DDX4: variants seen among roughly 807,000 people sequenced by gnomAD.
DDX4 encodes probable ATP-dependent RNA helicase DDX4.
Under a neutral mutation model 100.0 loss-of-function variants are expected in DDX4, and 25 were observed. The observed-to-expected ratio is 0.25, with a 90% CI of 0.18 to 0.35. DDX4 has a LOEUF of 0.35. Among genes scored for constraint, DDX4 ranks in the 10% least tolerant of loss-of-function variants. The pLI is 1.00. For synonymous variants in DDX4, 259 were observed against 275.7 expected, an observed-to-expected ratio of 0.94 and a Z score of 0.60; for missense variants, 635 against 882.4, an observed-to-expected ratio of 0.72 and a Z score of 3.55.
At chr5:55,807,445 T>C (rs1743806022) in intron 18 of DDX4, among the ~76,000 whole-genome samples, 1 of 152,240 alleles carries the variant, frequency 6.6e-6, no homozygotes, top group Non-Finnish European at 1.5e-5. Context: ...TGGCATGTTT[T>C]TGCAGTGGCT....
intron 3 of DDX4, among the ~76,000 whole-genome samples, chr5:55,749,738 T>C (rs1435792809): frequency 6.6e-6 from 1 of 152,152 alleles, no homozygotes. Flanking sequence ...ACAAGCTGTT[T>C]GTGGGAGGAA....
rs1357114999 is a variant in DDX4 at position 55,787,876 on chromosome 5, A to G, written c.1048A>G (p.Met350Val). 1 of 1,613,618 alleles carries G rather than the reference A, an allele frequency of 6.2e-7. No individual in the cohort carries two copies. Among genetic ancestry groups the G allele is most frequent in the Non-Finnish European group, 8.5e-7 (1 of 1,179,926 alleles). The change falls in exon 15 of 22, where the codon ATG becomes GTG. Residue 350 changes from methionine to valine, a missense_variant. Around this residue, in one of 4 missense-constraint regions of DDX4, gnomAD observed 446 missense variants for 540.8 expected, o/e 0.82. Coordinates refer to ENST00000505374, the MANE Select transcript of DDX4 (RefSeq NM_024415.3). ...AAFLLPILAH[M>V]MHDGITASRF... ...TTTTCTCCTACCAATTTTGGCTCATATGATGCATGATGGAATAACTGCCAG... is the reference window on the plus strand; with the variant it reads ...TTTTCTCCTACCAATTTTGGCTCATGTGATGCATGATGGAATAACTGCCAG...
At chr5:55,785,237 A>G (rs997040177) in intron 10 of DDX4, 60 bp from the exon 11 acceptor site, 1 of 1,188,676 alleles carries the variant, frequency 8.4e-7, no homozygotes, top group Non-Finnish European at 1.2e-6. Context: ...AAGCAACGAA[A>G]ATAAAGATGT....
At chr5:55,747,183 C>A (rs1759289663) in intron 3 of DDX4, among the ~76,000 whole-genome samples, 1 of 152,124 alleles carries the variant, frequency 6.6e-6, no homozygotes, top group African/African-American at 2.4e-5. Flanking sequence ...GAGATTGAGA[C>A]CATCCTGACC....
intron 2 of DDX4, among the ~76,000 whole-genome samples, chr5:55,739,698 A>C (rs79761845): frequency 0.12 from 17,641 of 152,150 alleles, 1,557 homozygotes; most frequent in East Asian, 0.29. Flanking sequence ...GTTTGAGTGT[A>C]TGTCAGTTCT....
intron 18 of DDX4, among the ~76,000 whole-genome samples, chr5:55,812,793 A>C (rs1442378734): frequency 2.0e-5 from 3 of 151,636 alleles, no homozygotes; most frequent in Non-Finnish European, 4.4e-5. Flanking sequence ...TATCTTGCTG[A>C]TTTTTTCCTT....
At chr5:55,812,261 G>A (rs1744161047) in intron 18 of DDX4, among the ~76,000 whole-genome samples, 2 of 152,080 alleles carry the variant, frequency 1.3e-5, no homozygotes, top group Admixed American at 6.6e-5. Context: ...GTAATTTAAT[G>A]TGTTAATACT....
chr5:55,744,614 C>T (rs1319716725), intron 2 of DDX4, among the ~76,000 whole-genome samples: 1 of 152,080 alleles, frequency 6.6e-6, no homozygotes, highest in Non-Finnish European at 1.5e-5. Context: ...GGCAGTCATT[C>T]TACCACTGCT....
At chr5:55,760,324 G>A in intron 4 of DDX4, 47 bp downstream of exon 4, 2 of 1,501,160 alleles carry the variant, frequency 1.3e-6, no homozygotes, top group East Asian at 2.7e-5. Flanking sequence ...TTGAATAATT[G>A]GATATATAGA....
chr5:55,793,101 A>T (rs986342060), intron 17 of DDX4, among the ~76,000 whole-genome samples: 4 of 151,330 alleles, frequency 2.6e-5, no homozygotes, highest in African/African-American at 7.3e-5. Context: ...GCTAGGGTTT[A>T]ATAAGTGCTT....
intron 7 of DDX4, among the ~76,000 whole-genome samples, chr5:55,774,150 T>C (rs1377636701): frequency 7.7e-6 from 1 of 129,184 alleles, no homozygotes; most frequent in African/African-American, 3.5e-5. Context: ...TTTATCTAAT[T>C]TTTTTTTTTT....
chr5:55,797,312 C>G (rs1394353121), intron 17 of DDX4, among the ~76,000 whole-genome samples: 1 of 152,186 alleles, frequency 6.6e-6, no homozygotes, highest in Non-Finnish European at 1.5e-5. Flanking sequence ...ATCTTTCCTA[C>G]TTGAAGTGAG....
chr5:55,801,956 G>C (rs890860246), intron 18 of DDX4, among the ~76,000 whole-genome samples: 2 of 152,138 alleles, frequency 1.3e-5, no homozygotes, highest in Non-Finnish European at 2.9e-5. Flanking sequence ...GTCAGGAAGT[G>C]TATGACCTTC....
At chr5:55,800,796 T>C (rs1429177201) in intron 18 of DDX4, among the ~76,000 whole-genome samples, 1 of 152,230 alleles carries the variant, frequency 6.6e-6, no homozygotes, top group Non-Finnish European at 1.5e-5. Context: ...TTTTTTGGTT[T>C]AGTGTTCATA....
intron 7 of DDX4, among the ~76,000 whole-genome samples, chr5:55,776,823 GAA>G (rs896459534): frequency 6.6e-6 from 1 of 151,234 alleles, no homozygotes; most frequent in African/African-American, 2.4e-5. Context: ...AATGAGGAGC[GAA>G]AAAAAAGATA....
chr5:55,781,459 T>C (rs1561499064), intron 9 of DDX4, among the ~76,000 whole-genome samples: 1 of 152,056 alleles, frequency 6.6e-6, no homozygotes, highest in Non-Finnish European at 1.5e-5. Context: ...TGATGAAAAA[T>C]GTTCAAATGA....
intron 18 of DDX4, among the ~76,000 whole-genome samples, chr5:55,806,227 A>G (rs991820742): frequency 5.9e-5 from 9 of 151,886 alleles, no homozygotes; most frequent in Non-Finnish European, 1.2e-4. Flanking sequence ...CTTCTTTATT[A>G]GTCTTGCTAG....
chr5:55,809,584 C>T (rs1378727058), intron 18 of DDX4, among the ~76,000 whole-genome samples: 2 of 152,126 alleles, frequency 1.3e-5, no homozygotes, highest in Non-Finnish European at 2.9e-5. Context: ...TTGTTTTTAC[C>T]TCTCAGACCT....
chr5:55,779,058 T>C (rs909340384), intron 7 of DDX4, among the ~76,000 whole-genome samples: 8 of 151,708 alleles, frequency 5.3e-5, no homozygotes, highest in Admixed American at 2.0e-4. Flanking sequence ...TTGGAAGGAG[T>C]GCTCAGGGAG....
Sources: gnomAD v4.1 joint callset for allele counts (sites outside exome capture counted in the v4.1 genomes callset) on GRCh38, gnomAD v4.1.1 for gene constraint, gnomAD v4.1.1 regional missense constraint, MANE v1.5 for transcripts, NCBI Gene and HGNC (gene_info 2026-07-23, HGNC 2026-07-21) for gene names.